The following CFAP54 variants were observed in gnomAD, a reference collection of about 807,000 sequenced individuals.
CFAP54 encodes the protein cilia and flagella associated protein 54, also known as cilia- and flagella-associated protein 54.
A neutral mutation model predicts 370.4 loss-of-function variants in CFAP54; 290 were observed. The ratio of observed to expected loss-of-function variants is 0.78; its 90% CI spans 0.71 to 0.86. CFAP54 has a LOEUF of 0.86. Among genes scored for constraint, CFAP54 ranks in the 40% least tolerant of loss-of-function variants. CFAP54 has a pLI of 0.00. For synonymous variants in CFAP54, 1,206 were observed against 1,236.5 expected (o/e 0.98, Z 0.52); for missense variants, 3,399 against 3,528.7 (o/e 0.96, Z 0.93).
At position 96,625,794 on chromosome 12, in the gene CFAP54, T is replaced by C; in HGVS notation, c.3963T>C (p.Gly1321=). 1 of 1,535,334 alleles carries C rather than the reference T, an allele frequency of 6.5e-7. No individual in the cohort carries two copies. The highest frequency in any genetic ancestry group is 8.7e-7 in the Non-Finnish European group (1 of 1,146,284). The change falls in exon 29 of 68, where the codon GGT becomes GGC. Residue 1321 remains glycine (G), a synonymous_variant. Transcript: ENST00000524981. ...YPVVLNWSVK[G]AVKEVMKFKQ... ...TAGTTTTGAATTGGTCGGTCAAAGG[T>C]GCCGTGAAAGAAGGTAGGTGAACTG...
chr12:96,739,805 A>G (rs1216879799), intron 50 of CFAP54, 151 bp from the exon 51 acceptor site: 29 of 533,280 alleles, frequency 5.4e-5, no homozygotes, highest in Middle Eastern at 5.1e-4. Flanking sequence ...AGACCAGGGT[A>G]CTATTAGGGC....
At chr12:96,849,918 C>G (rs749388041) in intron 66 of CFAP54, among the ~76,000 whole-genome samples, 2 of 152,162 alleles carry the variant, frequency 1.3e-5, no homozygotes, top group Non-Finnish European at 2.9e-5. Flanking sequence ...TCCCTCATCT[C>G]CACAAAGCCT....
rs562430874 is a variant in CFAP54 at position 96,743,325 on chromosome 12, G to C, written c.7220-77G>C. 32 of 1,421,448 alleles carry C rather than the reference G, an allele frequency of 2.3e-5. No homozygotes were observed. In the African/African-American group the frequency reaches 4.3e-4, roughly 19 times the overall value. 88.1% of individuals were successfully genotyped at this position (1,421,448 alleles called of 1,614,324 possible). A position where few individuals can be genotyped will look rare whatever the true frequency, so the allele number is the denominator to read the frequency against. On this transcript the variant is annotated intron_variant, in intron 52 of 67. Coordinates refer to ENST00000524981, the MANE Select transcript of CFAP54 (RefSeq NM_001306084.2). ...TGATATTACACAATATTTCTGTGAT[G>C]AAAATTGGGGCTATTACACATGTAT...
At chr12:96,860,787 C>T (rs557458642) in intron 66 of CFAP54, 32 bp from the exon 67 acceptor site, 2 of 1,493,016 alleles carry the variant, frequency 1.3e-6, no homozygotes, top group South Asian at 2.6e-5. Context: ...TGAAACAATG[C>T]ATTTCATGAA....
At position 96,621,669 on chromosome 12, in the gene CFAP54, G is replaced by A. The variant is rs1469666597; in HGVS notation, c.3719G>A (p.Gly1240Glu). 1.3e-6 allele frequency: 2 copies of A among 1,529,004 alleles called. No individual in the cohort carries two copies. The highest frequency in any genetic ancestry group is 2.7e-5 in the African/African-American group (2 of 72,878). 94.7% of individuals were successfully genotyped at this position (1,529,004 alleles called of 1,614,324 possible). A position where few individuals can be genotyped will look rare whatever the true frequency, so the allele number is the denominator to read the frequency against. ...AAAAAAATGTTGGACATCACACCAG[G>A]ATGCAAGTCTCTGTTTGATGGTAGT... The part of the protein sequence containing the change: ...YGKKMLDITP[G>E]CKSLFDGSNE... The change falls in exon 27 of 68, where the codon GGA (glycine) becomes GAA (glutamate). Residue 1240 changes from glycine to glutamate, a missense_variant. By Grantham distance (98) the Gly-to-Glu change is moderately conservative. Transcript: ENST00000524981.
intron 30 of CFAP54, among the ~76,000 whole-genome samples, chr12:96,627,570 T>C (rs1168542809): frequency 1.3e-5 from 2 of 152,196 alleles, no homozygotes; most frequent in Non-Finnish European, 2.9e-5. Flanking sequence ...GAAACCTGTT[T>C]TTGAAATGGC....
At chr12:96,629,541 C>T (rs1422125023) in intron 30 of CFAP54, among the ~76,000 whole-genome samples, 5 of 151,856 alleles carry the variant, frequency 3.3e-5, no homozygotes, top group African/African-American at 1.2e-4. Context: ...TCTCTATCTC[C>T]TGACCTCGTG....
rs1280293412 is a variant in CFAP54 at position 96,630,138 on chromosome 12, T to C, written c.4149T>C (p.Asp1383=). ...LLGLIKVKYK[D]SALNKKANKS... is the part of the protein sequence containing the mutation. ...GACTAATAAAAGTGAAATATAAGGA[T>C]AGTGCTTTGAATAAAAAAGCAAACA... Residue 1383 remains aspartate (D), a synonymous_variant, in exon 31 of 68, where the codon GAT becomes GAC. Transcript: ENST00000524981. 1 of 1,499,932 alleles carries C rather than the reference T, an allele frequency of 6.7e-7. No homozygotes were observed. Among genetic ancestry groups the C allele is most frequent in the Non-Finnish European group, 8.9e-7 (1 of 1,118,024 alleles). The allele number at this position is 1,499,932 out of a possible 1,614,324, so 92.9% of individuals were successfully genotyped here. A position where few individuals can be genotyped will look rare whatever the true frequency, so the allele number is the denominator to read the frequency against.
In CFAP54 at chr12:96,536,566, T is replaced by C. The variant is rs144667180; in HGVS notation, c.1791+966T>C. ...GGGAGAGCTAACCAAAAAATAGCGA[T>C]CAAGGCTTAAAAAGGTAGGGAACTT... On this transcript the variant is annotated intron_variant, in intron 12 of 67. Coordinates refer to ENST00000524981, the MANE Select transcript of CFAP54 (RefSeq NM_001306084.2). 5.1e-3 allele frequency among the ~76,000 whole-genome samples: 777 copies of C among 152,030 alleles called. 11 individuals carry two copies. The highest frequency in any genetic ancestry group is 0.018 in the African/African-American group (734 of 41,510).
chr12:96,561,279 T>C (rs1388469707), intron 17 of CFAP54, among the ~76,000 whole-genome samples: 1 of 152,144 alleles, frequency 6.6e-6, no homozygotes, highest in Non-Finnish European at 1.5e-5. Flanking sequence ...ATCTGATGGT[T>C]TTATAAGAGG....
intron 39 of CFAP54, among the ~76,000 whole-genome samples, chr12:96,664,771 C>CTATATCTATATCTATATCTATATA: frequency 1.4e-5 from 1 of 69,138 alleles, no homozygotes; most frequent in South Asian, 5.4e-4. Flanking sequence ...ATATCTATAT[C>CTATATCTATATCTATATCTATATA]TATATCTATA....
chr12:96,814,121 T>G (rs1958953585), intron 64 of CFAP54, among the ~76,000 whole-genome samples: 1 of 152,206 alleles, frequency 6.6e-6, no homozygotes, highest in Non-Finnish European at 1.5e-5. Context: ...TGGACACTCA[T>G]GTACAATCTG....
intron 62 of CFAP54, 150 bp downstream of exon 62, chr12:96,787,048 A>G: frequency 1.6e-6 from 1 of 643,226 alleles, no homozygotes; most frequent in Non-Finnish European, 2.6e-6. Flanking sequence ...TACCATGTGG[A>G]TAGGCTAACC....
Position 96,739,940 on chromosome 12 carries a change from A to G in CFAP54, c.6966-16A>G, listed in dbSNP as rs1311420469. On this transcript the variant is annotated splice_polypyrimidine_tract_variant and intron_variant, in intron 50 of 67. Transcript: ENST00000524981. ...ATATAATACTGATAACATTTAAAAT[A>G]TATTTTCTATTTTAGTGCTGCAATA... The G allele has an allele frequency of 1.5e-6, 2 of 1,354,464 alleles. No individual in the cohort carries two copies. Among genetic ancestry groups the G allele is most frequent in the South Asian group, 1.2e-5 (1 of 81,100 alleles). The allele number at this position is 1,354,464 out of a possible 1,614,324, so 83.9% of individuals were successfully genotyped here. A position where few individuals can be genotyped will look rare whatever the true frequency, so the allele number is the denominator to read the frequency against.
chr12:96,499,958 A>G (rs1011368525), intron 1 of CFAP54, among the ~76,000 whole-genome samples: 1 of 149,418 alleles, frequency 6.7e-6, no homozygotes, highest in Non-Finnish European at 1.5e-5. Flanking sequence ...AAAACAAAAC[A>G]AAACAAAACA....
At position 96,720,539 on chromosome 12, in the gene CFAP54, T is replaced by C. The variant is rs1027611155; in HGVS notation, c.6939T>C (p.Ala2313=). ...VEARLQLAAV[A]LQRHRAAYSA... The stretch of plus-strand genomic sequence containing the variant: ...CCCGGCTTCAGCTGGCTGCAGTTGC[T>C]CTGCAGAGGCACCGGGCGGCATACA... Residue 2313 remains alanine (A), a synonymous_variant, in exon 50 of 68, where the codon GCT becomes GCC. Coordinates refer to ENST00000524981, the MANE Select transcript of CFAP54 (RefSeq NM_001306084.2). 1 of 1,574,558 alleles carries C rather than the reference T, an allele frequency of 6.4e-7. No homozygotes were observed. The highest frequency in any genetic ancestry group is 8.6e-7 in the Non-Finnish European group (1 of 1,156,964).
chr12:96,665,243 A>G (rs1957066775), intron 39 of CFAP54, among the ~76,000 whole-genome samples: 1 of 152,070 alleles, frequency 6.6e-6, no homozygotes, highest in African/African-American at 2.4e-5. Context: ...TAGTTTGGAA[A>G]AATTGTCTCC....
intron 26 of CFAP54, among the ~76,000 whole-genome samples, chr12:96,605,161 G>A (rs534378243): frequency 2.0e-5 from 3 of 152,260 alleles, no homozygotes; most frequent in South Asian, 2.1e-4. Context: ...CACACAGAAC[G>A]TATTTGTTTA....
intron 47 of CFAP54, among the ~76,000 whole-genome samples, chr12:96,708,105 A>G (rs1957564816): frequency 6.6e-6 from 1 of 152,050 alleles, no homozygotes; most frequent in Non-Finnish European, 1.5e-5. Context: ...TGATTTTGCT[A>G]AGGAAGTGTG....
Sources: gnomAD v4.1 joint callset for allele counts (sites outside exome capture counted in the v4.1 genomes callset) on GRCh38, gnomAD v4.1.1 for gene constraint, MANE v1.5 for transcripts, NCBI Gene and HGNC (gene_info 2026-07-23, HGNC 2026-07-21) for gene names.